Variants in ITIH5 observed in about 807,000 individuals in gnomAD.
The protein encoded by ITIH5 is inter-alpha-trypsin inhibitor heavy chain 5, also known as inter-alpha-trypsin inhibitor heavy chain H5.
ITIH5 carries 65 observed loss-of-function variants against 77.5 expected under a neutral mutation model. The observed-to-expected ratio is 0.84, with a 90% CI of 0.69 to 1.03. The LOEUF is 1.03. Ranked by LOEUF, ITIH5 falls within the 50% of genes least tolerant of loss-of-function variation. The pLI, the probability that ITIH5 is intolerant of heterozygous loss-of-function variation, is 0.00. For synonymous variants in ITIH5, 525 were observed against 494.3 expected, an observed-to-expected ratio of 1.06 and a Z score of -0.82; for missense variants, 1,208 against 1,213.1, an observed-to-expected ratio of 1.00 and a Z score of 0.06.
intron 1 of ITIH5, among the ~76,000 whole-genome samples, chr10:7,665,789 T>C (rs1252869823): frequency 6.6e-6 from 1 of 152,238 alleles, no homozygotes; most frequent in Admixed American, 6.5e-5. Flanking sequence ...ATCCAAAGCC[T>C]GCACTTTTCC....
intron 1 of ITIH5, among the ~76,000 whole-genome samples, chr10:7,656,339 C>G (rs2131107934): frequency 6.6e-6 from 1 of 152,278 alleles, no homozygotes; most frequent in Admixed American, 6.5e-5. Context: ...TTCAACCTCC[C>G]AAGCAGCTGG....
chr10:7,632,434 A>G (rs1458920926), intron 5 of ITIH5, among the ~76,000 whole-genome samples: 1 of 152,210 alleles, frequency 6.6e-6, no homozygotes, highest in Non-Finnish European at 1.5e-5. Flanking sequence ...TCAAATAAGT[A>G]AATGCTACAG....
At chr10:7,615,719 C>T (rs942042733) in intron 7 of ITIH5, among the ~76,000 whole-genome samples, 3 of 152,224 alleles carry the variant, frequency 2.0e-5, no homozygotes, top group African/African-American at 4.8e-5. Flanking sequence ...GGATTCCTGT[C>T]TCACTTACAT....
chr10:7,596,613 G>T (rs764507175), intron 7 of ITIH5, among the ~76,000 whole-genome samples: 2 of 152,120 alleles, frequency 1.3e-5, no homozygotes, highest in Admixed American at 6.5e-5. Flanking sequence ...CAATGATCAC[G>T]CTGTTCTCCT....
At chr10:7,565,070 GTATA>G (rs138314369) in intron 13 of ITIH5, among the ~76,000 whole-genome samples, 1 of 135,912 alleles carries the variant, frequency 7.4e-6, no homozygotes, top group African/African-American at 2.7e-5. Context: ...CACATAGACT[GTATA>G]TATATATATA....
intron 7 of ITIH5, among the ~76,000 whole-genome samples, chr10:7,596,336 G>C (rs1371369853): frequency 6.6e-6 from 1 of 152,194 alleles, no homozygotes; most frequent in Non-Finnish European, 1.5e-5. Flanking sequence ...CATTTCCCAA[G>C]TAGAATCGCG....
intron 2 of ITIH5, among the ~76,000 whole-genome samples, chr10:7,649,300 T>A (rs1180820049): frequency 3.3e-5 from 5 of 152,112 alleles, no homozygotes; most frequent in Admixed American, 3.3e-4. Context: ...TCTTCCTTCT[T>A]CTTCTTTCCC....
chr10:7,643,680 G>A (rs11255263), intron 2 of ITIH5, among the ~76,000 whole-genome samples: 64,986 of 151,970 alleles, frequency 0.43, 15,656 homozygotes, highest in African/African-American at 0.64. Context: ...GTTTATTTCA[G>A]CCCTCATCTG....
intron 10 of ITIH5, among the ~76,000 whole-genome samples, chr10:7,574,548 T>C (rs1004109213): frequency 2.6e-5 from 4 of 151,526 alleles, no homozygotes; most frequent in African/African-American, 7.3e-5. Flanking sequence ...AATCCCAGCA[T>C]TTTGGGAGGC....
At chr10:7,634,548 C>T (rs1002776164) in intron 5 of ITIH5, among the ~76,000 whole-genome samples, 1 of 152,102 alleles carries the variant, frequency 6.6e-6, no homozygotes, top group African/African-American at 2.4e-5. Flanking sequence ...AGAGATCAAC[C>T]GTTTGGAAAA....
At position 7,637,268 on chromosome 10, in the gene ITIH5, C is replaced by T. The variant is rs1425543668; in HGVS notation, c.612G>A (p.Pro204=). ...SAGIASLEVL[P]LHNSRQRGSG... ...TGCCCCTCTGCCTGCTGTTGTGAAG[C>T]GGCAGCACCTCCAGGGATGCGATGC... Residue 204 remains proline, a synonymous_variant, in exon 5 of 14, where the codon CCG becomes CCA. Transcript: ENST00000397146. 4 of 1,611,138 alleles carry T rather than the reference C, an allele frequency of 2.5e-6. No individual in the cohort carries two copies. Among genetic ancestry groups the T allele is most frequent in the East Asian group, 4.5e-5 (2 of 44,876 alleles).
intron 7 of ITIH5, among the ~76,000 whole-genome samples, chr10:7,597,044 C>CAA (rs71383924): frequency 3.2e-4 from 12 of 36,926 alleles, no homozygotes; most frequent in East Asian, 2.5e-3. Flanking sequence ...GTCTCCAACT[C>CAA]AAAAAAAAAA....
At chr10:7,566,799 AGAGGAAGAGGAAGAGGAAGAGGAAGAG>A (rs1832178116) in intron 12 of ITIH5, among the ~76,000 whole-genome samples, 1 of 13,638 alleles carries the variant, frequency 7.3e-5, no homozygotes, top group African/African-American at 3.4e-4. Context: ...AAGAAGAAGA[AGAGGAAGAGGAAGAGGAAGAGGAAGAG>A]GAAGAGGAAG....
chr10:7,629,085 ATCCATGTTGTAGTGTGTG>A lies in ITIH5; in HGVS notation c.652+8125_652+8142del, dbSNP rs1490124789. 8.8e-4 allele frequency among the ~76,000 whole-genome samples: 56 copies of A among 63,420 alleles called. 5 individuals carry two copies. The highest frequency in any genetic ancestry group is 1.4e-3 in the Non-Finnish European group (44 of 31,346). The allele number at this position is 63,420 out of a possible 152,430, so 41.6% of individuals were successfully genotyped here. On this transcript the variant is annotated intron_variant, in intron 5 of 13. Transcript: ENST00000397146. ...AGCGTGTGCCCATGTTGTAGCGTGT[ATCCATGTTGTAGTGTGTG>A]TCCATGTTGTAGAGTGTGTCCGTGT...
intron 5 of ITIH5, chr10:7,619,669 G>T: frequency 3.6e-6 from 1 of 281,346 alleles, no homozygotes; most frequent in Non-Finnish European, 7.7e-6. Flanking sequence ...CGGCAGGAGC[G>T]AGAGACAGAA....
chr10:7,616,142 G>A (rs1317861559), intron 6 of ITIH5, 44 bp from the exon 7 acceptor site: 9 of 1,157,284 alleles, frequency 7.8e-6, no homozygotes, highest in Non-Finnish European at 1.2e-5. Context: ...ACCTAGAGCG[G>A]GGAGCAAAAA....
intron 11 of ITIH5, 117 bp from the exon 12 acceptor site, chr10:7,569,901 C>A: frequency 1.7e-6 from 1 of 591,582 alleles, no homozygotes; most frequent in Non-Finnish European, 2.8e-6. Flanking sequence ...GAAAACTATT[C>A]TGGAAGGAGG....
At chr10:7,592,741 CT>C (rs1832818441) in intron 7 of ITIH5, among the ~76,000 whole-genome samples, 1 of 152,166 alleles carries the variant, frequency 6.6e-6, no homozygotes, top group Non-Finnish European at 1.5e-5. Flanking sequence ...CTGGGCCCTT[CT>C]CACCCTGGTT....
chr10:7,615,599 T>A (rs1588401306), intron 7 of ITIH5, among the ~76,000 whole-genome samples: 4 of 152,150 alleles, frequency 2.6e-5, no homozygotes, highest in African/African-American at 9.7e-5. Context: ...GTGACCTGAG[T>A]TCTTTATTCT....
Sources: gnomAD v4.1 joint callset for allele counts (sites outside exome capture counted in the v4.1 genomes callset) on GRCh38, gnomAD v4.1.1 for gene constraint, MANE v1.5 for transcripts, NCBI Gene and HGNC (gene_info 2026-07-23, HGNC 2026-07-21) for gene names.